The following GSE1 variants were observed in gnomAD, a reference collection of about 807,000 sequenced individuals.
GSE1 encodes the protein genetic suppressor element 1.
A neutral mutation model predicts 112.6 loss-of-function variants in GSE1; 32 were observed. That is an observed-to-expected ratio of 0.28 (90% CI 0.21 to 0.38). GSE1 has a LOEUF of 0.38. GSE1 is among the 10% of genes least tolerant of loss of function. The probability of loss-of-function intolerance (pLI) is 1.00; values close to 1 mark genes in which losing one functional copy is unlikely to be tolerated. For synonymous variants in GSE1, 1,115 were observed against 735.6 expected, an observed-to-expected ratio of 1.52 and a Z score of -8.35; for missense variants, 2,348 against 1,699.2, an observed-to-expected ratio of 1.38 and a Z score of -6.71.
chr16:85,454,405 G>T (rs1021315170), intron 2 of GSE1, among the ~76,000 whole-genome samples: 1 of 152,258 alleles, frequency 6.6e-6, no homozygotes, highest in Non-Finnish European at 1.5e-5. Context: ...CGGCTCAGGA[G>T]GGGTGGCCAG....
chr16:85,408,150 A>G (rs1455795567), intron 2 of GSE1, among the ~76,000 whole-genome samples: 14 of 32,590 alleles, frequency 4.3e-4, no homozygotes, highest in East Asian at 1.5e-3. Flanking sequence ...CCTCACTGTT[A>G]CACTCAGGGC....
chr16:85,363,779 G>A (rs761608774), intron 2 of GSE1, among the ~76,000 whole-genome samples: 1 of 152,006 alleles, frequency 6.6e-6, no homozygotes, highest in Non-Finnish European at 1.5e-5. Context: ...GTCTGGGACA[G>A]TGGGTGGGGC....
intron 1 of GSE1, among the ~76,000 whole-genome samples, chr16:85,320,013 G>A (rs1007870150): frequency 2.0e-5 from 3 of 152,186 alleles, no homozygotes; most frequent in Admixed American, 1.3e-4. Context: ...TTGGGGTTGC[G>A]TTTCTTTAAA....
chr16:85,646,899 G>T (rs561309989), intron 2 of GSE1, among the ~76,000 whole-genome samples: 21 of 152,088 alleles, frequency 1.4e-4, no homozygotes, highest in Admixed American at 3.3e-4. Flanking sequence ...ACAAGGGGGG[G>T]GGTGGGGGCT....
At chr16:85,491,282 C>T (rs2051001942) in intron 2 of GSE1, among the ~76,000 whole-genome samples, 1 of 152,196 alleles carries the variant, frequency 6.6e-6, no homozygotes, top group Non-Finnish European at 1.5e-5. Context: ...TCTGTTTCTT[C>T]ACCCAATGTT....
intron 1 of GSE1, among the ~76,000 whole-genome samples, chr16:85,177,594 G>C (rs989393675): frequency 6.6e-6 from 1 of 152,142 alleles, no homozygotes; most frequent in South Asian, 2.1e-4. Flanking sequence ...CGTTGTGTAC[G>C]TGGTGTCTCA....
At chr16:85,171,041 G>T in exon 1 of GSE1, 1 of 985,774 alleles carries the variant, frequency 1.0e-6, no homozygotes. Flanking sequence ...AACGCCAGGA[G>T]CGCCATGCAT....
intron 1 of GSE1, among the ~76,000 whole-genome samples, chr16:85,326,885 A>G (rs545402603): frequency 4.6e-5 from 7 of 152,308 alleles, no homozygotes; most frequent in African/African-American, 1.7e-4. Context: ...CCGGTTGTCT[A>G]TTACCCGGTG....
At chr16:85,608,882 G>A (rs1317829440), upstream of GSE1, among the ~76,000 whole-genome samples, 1 of 152,248 alleles carries the variant, frequency 6.6e-6, no homozygotes, top group Non-Finnish European at 1.5e-5. Context: ...GCAACATAAT[G>A]AAGGTGACAT....
At chr16:85,326,177 G>T (rs188197378) in intron 1 of GSE1, among the ~76,000 whole-genome samples, 2 of 151,946 alleles carry the variant, frequency 1.3e-5, no homozygotes, top group East Asian at 3.8e-4. Context: ...CCCCTGGCTC[G>T]TTCAGGATAT....
chr16:85,420,795 C>T (rs1327717473), intron 2 of GSE1, among the ~76,000 whole-genome samples: 1 of 152,134 alleles, frequency 6.6e-6, no homozygotes, highest in Non-Finnish European at 1.5e-5. Flanking sequence ...GTAAGGGCCT[C>T]CCACCAGGAC....
At chr16:85,251,010 C>G (rs1906413404) in intron 1 of GSE1, among the ~76,000 whole-genome samples, 1 of 152,248 alleles carries the variant, frequency 6.6e-6, no homozygotes, top group South Asian at 2.1e-4. Flanking sequence ...CTTTTCATAG[C>G]TGAGTAATAT....
At chr16:85,578,132 G>A (rs1449832767) in intron 1 of GSE1, among the ~76,000 whole-genome samples, 2 of 152,248 alleles carry the variant, frequency 1.3e-5, no homozygotes, top group East Asian at 3.8e-4. Flanking sequence ...GCACCCAGCA[G>A]GCTGGAGGAG....
intron 13 of GSE1, among the ~76,000 whole-genome samples, chr16:85,667,917 C>G (rs1471810579): frequency 2.0e-5 from 3 of 151,790 alleles, no homozygotes; most frequent in Non-Finnish European, 4.4e-5. Flanking sequence ...GTACCAGAAT[C>G]AACTAGCACT....
chr16:85,256,691 C>G (rs9936807), intron 1 of GSE1, among the ~76,000 whole-genome samples: 10,978 of 152,350 alleles, frequency 0.072, 1,297 homozygotes, highest in African/African-American at 0.25. Flanking sequence ...CTGTCCCCGT[C>G]ACGGGGTGCT....
chr16:85,272,196 G>C lies in GSE1; in HGVS notation c.2284-85267G>C, dbSNP rs112109444. 3.8e-3 allele frequency among the ~76,000 whole-genome samples: 573 copies of C among 152,344 alleles called. 1 individual carries two copies. Among genetic ancestry groups the C allele is most frequent in the African/African-American group, 0.013 (556 of 41,588 alleles). ...CTAACAGGCTCCGCTTTGGATGTCT[G>C]AGTTTGGGCTGCACACTTCCTAGCG... On this transcript the variant is annotated intron_variant, in intron 1 of 2. Coordinates refer to the GSE1 transcript ENST00000637419.
chr16:85,333,777 G>A (rs28673829), intron 1 of GSE1, among the ~76,000 whole-genome samples: 38,410 of 151,968 alleles, frequency 0.25, 5,042 homozygotes, highest in Non-Finnish European at 0.3. Flanking sequence ...CCATCTCTGC[G>A]TGGACATCCC....
At chr16:85,554,387 T>TAGCCGGGGCTTTCGTTACTATGGTGC (rs1014418837), upstream of GSE1, among the ~76,000 whole-genome samples, 1 of 152,138 alleles carries the variant, frequency 6.6e-6, no homozygotes, top group Admixed American at 6.5e-5. Context: ...TAAACCAAAT[T>TAGCCGGGGCTTTCGTTACTATGGTGC]AGCCGGGGCT....
At chr16:85,220,719 G>A (rs897076153) in intron 1 of GSE1, among the ~76,000 whole-genome samples, 2 of 152,088 alleles carry the variant, frequency 1.3e-5, no homozygotes, top group Admixed American at 6.5e-5. Flanking sequence ...GTGCTCTCTC[G>A]CGCTCTCTGC....
Sources: allele counts gnomAD v4.1 joint callset (sites outside exome capture counted in the v4.1 genomes callset), GRCh38; gene constraint gnomAD v4.1.1; transcripts MANE v1.5; gene names NCBI Gene and HGNC (gene_info 2026-07-23, HGNC 2026-07-21).